Variants in TNS2 observed in about 807,000 individuals in gnomAD.
The protein encoded by TNS2 is tensin-2.
TNS2 carries 77 observed loss-of-function variants against 155.7 expected under a neutral mutation model. The observed-to-expected ratio is 0.49, with a 90% CI of 0.41 to 0.60. TNS2 has a LOEUF of 0.60. Among genes scored for constraint, TNS2 ranks in the 20% least tolerant of loss-of-function variants. The pLI is 0.00. For synonymous variants in TNS2, 726 were observed against 763.9 expected (o/e 0.95, Z 0.82); for missense variants, 1,703 against 1,868.8 (o/e 0.91, Z 1.64).
chr12:53,049,200 C>T (rs1166258672), upstream of TNS2: 2 of 1,603,324 alleles, frequency 1.2e-6, no homozygotes, highest in Admixed American at 1.7e-5. Context: ...GTCCTCAGGC[C>T]CTGGGACAGC....
upstream of TNS2, among the ~76,000 whole-genome samples, chr12:53,048,135 C>T (rs1592237087): frequency 6.6e-6 from 1 of 152,288 alleles, no homozygotes; most frequent in Non-Finnish European, 1.5e-5. Context: ...CTACTTTTCC[C>T]CTCGGGACTG....
Position 53,061,880 on chromosome 12 carries a change from G to A in TNS2, c.3514G>A (p.Gly1172Arg). The A allele has an allele frequency of 6.2e-7, 1 of 1,613,772 alleles. No individual in the cohort carries two copies. Among genetic ancestry groups the A allele is most frequent in the Non-Finnish European group, 8.5e-7 (1 of 1,180,004 alleles). The change falls in exon 22 of 29, where the codon GGA (glycine) becomes AGA (arginine). Residue 1172 changes from glycine (G) to arginine (R), a missense_variant. Physicochemically the swap from Gly to Arg is moderately radical, Grantham distance 125. Coordinates refer to ENST00000314250, the MANE Select transcript of TNS2 (RefSeq NM_170754.4). ...FLIRDSHSFQ[G>R]AYGLALKVAT... ...GATCAGGGACAGTCATTCATTCCAA[G>A]GAGCTTATGGGCTGGCCCTCAAGGT... is the stretch of plus-strand genomic sequence containing the variant.
intron 21 of TNS2, 39 bp downstream of exon 21, chr12:53,061,508 C>G: frequency 6.2e-7 from 1 of 1,602,998 alleles, no homozygotes; most frequent in South Asian, 1.1e-5. Flanking sequence ...TGCATCCCAC[C>G]TTCCAGGGTG....
chr12:53,050,111 C>G lies in TNS2; in HGVS notation c.-75C>G. On this transcript the variant is annotated 5_prime_UTR_variant, in exon 1 of 29. Transcript: ENST00000314250. This position sits in a 1 kb window ranked among gnomAD's most constrained non-coding sequence, Gnocchi z 4.7. ...GGGGAAGCGGCTGCCTCCGCCAGGC[C>G]GCTTCCAGGAAGCCCCGGGCCAGGC... is the stretch of plus-strand genomic sequence containing the variant. 3 of 1,567,110 alleles carry G rather than the reference C, an allele frequency of 1.9e-6. No homozygotes were observed. The highest frequency in any genetic ancestry group is 1.9e-5 in the Admixed American group (1 of 52,980).
Position 53,060,580 on chromosome 12 carries a change from C to G in TNS2, c.2768+25C>G. On this transcript the variant is annotated intron_variant, in intron 19 of 28. Transcript: ENST00000314250. This position sits in a 1 kb window ranked among gnomAD's most constrained non-coding sequence, Gnocchi z 6.1. ...GGTATGCAGAGGGGCCGGGGATGCT[C>G]GAGTGCTTTCTTGTCCAAGCAGTTG... 6.2e-7 allele frequency: 1 copy of G among 1,607,488 alleles called. No homozygotes were observed. Among genetic ancestry groups the G allele is most frequent in the Non-Finnish European group, 8.5e-7 (1 of 1,176,404 alleles).
Position 53,059,773 on chromosome 12 carries a change from G to A in TNS2, c.2132G>A (p.Arg711Lys), listed in dbSNP as rs781472180. 3 of 1,612,488 alleles carry A rather than the reference G, an allele frequency of 1.9e-6. No individual in the cohort carries two copies. Among genetic ancestry groups the A allele is most frequent in the Non-Finnish European group, 2.5e-6 (3 of 1,179,596 alleles). The stretch of plus-strand genomic sequence containing the variant: ...GCCTTGTATGGACTGCGGCTGGAGA[G>A]GGAGGCTGGAGAAGGGTGGGCAAGT... Reference protein sequence around the residue: ...TAALYGLRLEREAGEGWASEA... With the variant: ...TAALYGLRLEKEAGEGWASEA... Residue 711 changes from arginine to lysine, a missense_variant, in exon 18 of 29, where the codon AGG becomes AAG. By Grantham distance (26) the Arg-to-Lys change is conservative. Coordinates refer to ENST00000314250, the MANE Select transcript of TNS2 (RefSeq NM_170754.4). This position sits in a 1 kb window ranked among gnomAD's most constrained non-coding sequence, Gnocchi z 4.7.
At chr12:53,051,988 T>C in intron 2 of TNS2, 25 bp downstream of exon 2, 1 of 1,582,774 alleles carries the variant, frequency 6.3e-7, no homozygotes, top group Non-Finnish European at 8.7e-7. Flanking sequence ...CCTGTGACTC[T>C]GAGACCCTCC....
Position 53,055,696 on chromosome 12 carries a change from C to T in TNS2, c.696+6C>T. On this transcript the variant is annotated splice_donor_region_variant and intron_variant, in intron 9 of 28. Transcript: ENST00000314250. Reference sequence around the variant, plus strand: ...TGGTCGTACTATACTGCAAGGTGGGCCAGGACCTCGGGTTCCCTGGTGCCT... The same window carrying T: ...TGGTCGTACTATACTGCAAGGTGGGTCAGGACCTCGGGTTCCCTGGTGCCT... 1.2e-6 allele frequency: 2 copies of T among 1,614,182 alleles called. No homozygotes were observed.
In TNS2 at chr12:53,056,993, A is replaced by G; in HGVS notation, c.762-20A>G. 6.2e-7 allele frequency: 1 copy of G among 1,610,308 alleles called. No individual in the cohort carries two copies. Among genetic ancestry groups the G allele is most frequent in the Non-Finnish European group, 8.5e-7 (1 of 1,178,330 alleles). ...TGAAGATTAATCCCTAATCCCCAACACTGGCCTTGCTATCCCCAGGGCGGA... is the reference window on the plus strand; with the variant it reads ...TGAAGATTAATCCCTAATCCCCAACGCTGGCCTTGCTATCCCCAGGGCGGA... On this transcript the variant is annotated intron_variant, in intron 10 of 28. Transcript: ENST00000314250.
intron 11 of TNS2, 148 bp downstream of exon 11, chr12:53,057,244 C>A: frequency 1.2e-6 from 1 of 862,112 alleles, no homozygotes; most frequent in Admixed American, 2.3e-5. Context: ...AAAGCCCCTG[C>A]TCTCATGGAG....
chr12:53,058,910 C>T (rs1944266096), intron 17 of TNS2, 83 bp downstream of exon 17: 24 of 1,562,332 alleles, frequency 1.5e-5, no homozygotes, highest in Non-Finnish European at 2.0e-5. Flanking sequence ...CACACTCCCT[C>T]CTCCCCAGGC....
Position 53,059,511 on chromosome 12 carries a change from G to T in TNS2, c.1870G>T (p.Gly624Trp). The T allele has an allele frequency of 1.9e-6, 3 of 1,578,036 alleles. No individual in the cohort carries two copies. The highest frequency in any genetic ancestry group is 1.2e-5 in the South Asian group (1 of 85,718). The change falls in exon 18 of 29, where the codon GGG (glycine) becomes TGG (tryptophan). Residue 624 changes from glycine (G) to tryptophan (W), a missense_variant. Gly to Trp is a radical substitution (Grantham distance 184). Transcript: ENST00000314250. The surrounding 1 kb of genome is among the most constrained non-coding windows in gnomAD (Gnocchi z 4.7). The part of the protein sequence containing the change: ...GTLERRRLAY[G>W]GYEGSPQGYA... ...CCTGGAGAGGAGGCGACTGGCCTAC[G>T]GGGGCTATGAGGGATCCCCCCAGGG...
chr12:53,059,878 A>G lies in TNS2; in HGVS notation c.2237A>G (p.His746Arg). The change falls in exon 18 of 29, where the codon CAT becomes CGT. Residue 746 changes from histidine (H) to arginine (R), a missense_variant. His to Arg is a conservative substitution (Grantham distance 29, BLOSUM62 0). Transcript: ENST00000314250. This position sits in a 1 kb window ranked among gnomAD's most constrained non-coding sequence, Gnocchi z 4.7. ...PLLLPACGHH[H>R]APMPDYSCLK... The stretch of plus-strand genomic sequence containing the variant: ...CTCTTGCCTGCCTGTGGGCATCACC[A>G]TGCCCCGATGCCTGACTACAGCTGC... 3 of 1,612,958 alleles carry G rather than the reference A, an allele frequency of 1.9e-6. No individual in the cohort carries two copies. The highest frequency in any genetic ancestry group is 1.1e-5 in the South Asian group (1 of 91,074).
upstream of TNS2, chr12:53,049,383 G>A (rs1943842533): frequency 5.6e-6 from 4 of 720,524 alleles, no homozygotes; most frequent in South Asian, 5.6e-5. Context: ...TGGGTGAGTG[G>A]GGGGCACTGT....
Position 53,057,569 on chromosome 12 carries a change from A to G in TNS2, c.848A>G (p.Tyr283Cys), listed in dbSNP as rs1273232609. 1 of 1,610,476 alleles carries G rather than the reference A, an allele frequency of 6.2e-7. No individual in the cohort carries two copies. The highest frequency in any genetic ancestry group is 1.7e-5 in the Admixed American group (1 of 59,864). The change falls in exon 12 of 29, where the codon TAT (tyrosine) becomes TGT (cysteine). Residue 283 changes from tyrosine (Y) to cysteine (C), a missense_variant and splice_region_variant. Physicochemically the swap from Tyr to Cys is radical, Grantham distance 194. Coordinates refer to ENST00000314250, the MANE Select transcript of TNS2 (RefSeq NM_170754.4). ...CTCCTTGACACGCCCTCCACCAGAT[A>G]TATCAGCTACTTCAGTGGGCTGCTA... The part of the protein sequence containing the change: ...ATELQPSQRR[Y>C]ISYFSGLLSG...
At chr12:53,055,539 C>A in intron 8 of TNS2, 29 bp from the exon 9 acceptor site, 1 of 1,576,826 alleles carries the variant, frequency 6.3e-7, no homozygotes, top group South Asian at 1.2e-5. Flanking sequence ...TGGCCCCCGG[C>A]CCCAGTTGCA....
chr12:53,062,452 A>T lies in TNS2; in HGVS notation c.3744A>T (p.Lys1248Asn). Residue 1248 changes from lysine to asparagine, a missense_variant and splice_region_variant, in exon 24 of 29, where the codon AAA becomes AAT. Transcript: ENST00000314250. ...SLPCCLRIPSKDPLEETPEAP... is the reference protein window; with the variant it reads ...SLPCCLRIPSNDPLEETPEAP... ...CCTGCTGCCTGCGCATTCCCAGCAA[A>T]GGTGAGTGTCTGGTCATCTGTCCTC... 2 of 1,613,654 alleles carry T rather than the reference A, an allele frequency of 1.2e-6. No individual in the cohort carries two copies. Among genetic ancestry groups the T allele is most frequent in the Middle Eastern group, 1.7e-4 (1 of 5,938 alleles).
chr12:53,051,364 C>T (rs1465724571), intron 1 of TNS2, among the ~76,000 whole-genome samples: 4 of 152,112 alleles, frequency 2.6e-5, no homozygotes, highest in Non-Finnish European at 4.4e-5. Flanking sequence ...CTGCCTGGAG[C>T]GTGGGGACAG....
chr12:53,052,304 A>T lies in TNS2; in HGVS notation c.185-151A>T, dbSNP rs530158044. 5.2e-5 allele frequency: 49 copies of T among 939,024 alleles called. No individual in the cohort carries two copies. In the African/African-American group the frequency reaches 7.4e-4, roughly 14 times the overall value. The allele number at this position is 939,024 out of a possible 1,614,324, so 58.2% of individuals were successfully genotyped here. On this transcript the variant is annotated intron_variant, in intron 2 of 28. Transcript: ENST00000314250. ...CTGCCACACTCTTCCCTCAAAACCT[A>T]GCCCTGCTCCTCTGCCCCAGCCAGC...
Sources: gnomAD v4.1 joint callset for allele counts (sites outside exome capture counted in the v4.1 genomes callset) on GRCh38, gnomAD v4.1.1 for gene constraint, Gnocchi (gnomAD v3.1) non-coding constraint, MANE v1.5 for transcripts, NCBI Gene and HGNC (gene_info 2026-07-23, HGNC 2026-07-21) for gene names.